Variants in ARHGAP42 observed in about 807,000 individuals in gnomAD.
ARHGAP42 encodes rho GTPase-activating protein 42.
A neutral mutation model predicts 125.0 loss-of-function variants in ARHGAP42; 63 were observed. The observed-to-expected ratio is 0.50, with a 90% CI of 0.41 to 0.62. The LOEUF (loss-of-function observed/expected upper bound fraction) is 0.62, where lower values mean the gene tolerates loss of function less well. Among genes scored for constraint, ARHGAP42 ranks in the 20% least tolerant of loss-of-function variants. The pLI, the probability that ARHGAP42 is intolerant of heterozygous loss-of-function variation, is 0.00. For synonymous variants in ARHGAP42, 339 were observed against 351.0 expected (o/e 0.97, Z 0.38); for missense variants, 766 against 1,024.2 (o/e 0.75, Z 3.44).
chr11:100,752,852 C>T lies in ARHGAP42; in HGVS notation c.155-17491C>T, dbSNP rs570554759. ...TGATAGCTCATGCACAAGTTTTCTC[C>T]TTCCTGGGTGCAGTGTTATTGTACC... On this transcript the variant is annotated intron_variant, in intron 1 of 23. Transcript: ENST00000298815. Among the ~76,000 whole-genome samples, 12 of 152,332 alleles carry T rather than the reference C, an allele frequency of 7.9e-5. 1 individual carries two copies. In the East Asian group the frequency reaches 2.3e-3, roughly 29 times the overall value.
chr11:100,728,678 AGT>A (rs1768970751), intron 1 of ARHGAP42, among the ~76,000 whole-genome samples: 1 of 141,620 alleles, frequency 7.1e-6, no homozygotes, highest in Admixed American at 7.1e-5. Flanking sequence ...GATCTAAATA[AGT>A]GTTGAGTAAG....
At chr11:100,911,065 C>A (rs1157254510) in intron 4 of ARHGAP42, among the ~76,000 whole-genome samples, 1 of 152,156 alleles carries the variant, frequency 6.6e-6, no homozygotes, top group African/African-American at 2.4e-5. Context: ...TCTTCCTCTT[C>A]TATGAAAAGT....
chr11:100,823,537 G>A (rs896680576), intron 3 of ARHGAP42, among the ~76,000 whole-genome samples: 2 of 152,132 alleles, frequency 1.3e-5, no homozygotes, highest in Admixed American at 1.3e-4. Flanking sequence ...ATATTACAGA[G>A]GCTGTGTCTG....
chr11:100,954,127 T>C (rs1857739033), intron 12 of ARHGAP42, among the ~76,000 whole-genome samples: 2 of 152,254 alleles, frequency 1.3e-5, no homozygotes, highest in East Asian at 1.9e-4. Flanking sequence ...ACATTCTCAA[T>C]TGGTGCCCTG....
At chr11:100,951,502 G>T (rs889224308) in intron 12 of ARHGAP42, among the ~76,000 whole-genome samples, 3 of 152,096 alleles carry the variant, frequency 2.0e-5, no homozygotes, top group African/African-American at 7.2e-5. Context: ...GCACTATAAG[G>T]TTAGTCCTTT....
intron 3 of ARHGAP42, among the ~76,000 whole-genome samples, chr11:100,826,279 C>T (rs140393156): frequency 3.7e-4 from 56 of 152,174 alleles, no homozygotes; most frequent in African/African-American, 1.2e-3. Flanking sequence ...GGCTATTGAA[C>T]GTATATGTTA....
At chr11:100,785,598 G>A (rs1440360317) in intron 2 of ARHGAP42, among the ~76,000 whole-genome samples, 1 of 152,160 alleles carries the variant, frequency 6.6e-6, no homozygotes, top group Non-Finnish European at 1.5e-5. Context: ...CAGGAGCTTG[G>A]GTGCAGAAGA....
At chr11:100,961,977 A>C (rs754369687) in intron 15 of ARHGAP42, among the ~76,000 whole-genome samples, 1 of 152,196 alleles carries the variant, frequency 6.6e-6, no homozygotes, top group Admixed American at 6.5e-5. Flanking sequence ...TTAAAAGGCT[A>C]TATAATATTT....
intron 17 of ARHGAP42, among the ~76,000 whole-genome samples, chr11:100,971,328 A>G (rs929616554): frequency 6.6e-6 from 1 of 152,086 alleles, no homozygotes; most frequent in Non-Finnish European, 1.5e-5. Context: ...TTAAGTATAT[A>G]ATGTTGGTTT....
At chr11:100,712,448 G>A (rs185866341) in intron 1 of ARHGAP42, among the ~76,000 whole-genome samples, 4 of 152,278 alleles carry the variant, frequency 2.6e-5, no homozygotes, top group Admixed American at 2.0e-4. Flanking sequence ...AAAAAAATTA[G>A]TAAAATATAG....
intron 8 of ARHGAP42, among the ~76,000 whole-genome samples, chr11:100,939,889 G>A (rs1184705425): frequency 4.6e-5 from 7 of 152,214 alleles, no homozygotes; most frequent in African/African-American, 1.4e-4. Context: ...AAATGTCAGA[G>A]CATTGCAGCA....
intron 4 of ARHGAP42, among the ~76,000 whole-genome samples, chr11:100,880,667 C>G (rs1028641603): frequency 1.3e-5 from 2 of 152,226 alleles, no homozygotes; most frequent in African/African-American, 4.8e-5. Flanking sequence ...TTTAAGGAAT[C>G]TCCATACTGT....
rs1363758267 is a variant in ARHGAP42, at chr11:100,976,274, T to C, written c.2073T>C (p.Asp691=). 3 of 1,551,724 alleles carry C rather than the reference T, an allele frequency of 1.9e-6. No homozygotes were observed. Among genetic ancestry groups the C allele is most frequent in the Admixed American group, 2.0e-5 (1 of 51,006 alleles). Residue 691 remains aspartate (D), a synonymous_variant, in exon 20 of 24, where the codon GAT becomes GAC. Transcript: ENST00000298815. ...TTSPESSSRE[D]ATKTDAESDC... ...GTCCTGAATCAAGTTCCAGAGAAGA[T>C]GCAACCAAGACAGATGCAGAATCAG...
At chr11:100,899,795 G>A (rs1182984159) in intron 4 of ARHGAP42, among the ~76,000 whole-genome samples, 1 of 146,014 alleles carries the variant, frequency 6.8e-6, no homozygotes. Flanking sequence ...TTGAGCCAGT[G>A]TATGTCTTTA....
At chr11:100,965,510 A>G (rs1022684395) in intron 16 of ARHGAP42, among the ~76,000 whole-genome samples, 161 bp from the exon 17 acceptor site, 9 of 152,274 alleles carry the variant, frequency 5.9e-5, no homozygotes, top group African/African-American at 2.2e-4. Context: ...AAGTTACTCA[A>G]CTTCTGCAAG....
At chr11:100,908,223 A>G (rs1866801414) in intron 4 of ARHGAP42, among the ~76,000 whole-genome samples, 2 of 152,164 alleles carry the variant, frequency 1.3e-5, no homozygotes, top group Admixed American at 6.5e-5. Flanking sequence ...ATTTATTTCT[A>G]TTTATGATTA....
At chr11:100,863,328 C>T (rs1266548160) in intron 4 of ARHGAP42, among the ~76,000 whole-genome samples, 1 of 152,140 alleles carries the variant, frequency 6.6e-6, no homozygotes, top group African/African-American at 2.4e-5. Flanking sequence ...AAGGGAGGGC[C>T]GTTGATTAAA....
chr11:100,691,659 G>A (rs1861193805), intron 1 of ARHGAP42, among the ~76,000 whole-genome samples: 2 of 152,116 alleles, frequency 1.3e-5, no homozygotes, highest in Admixed American at 1.3e-4. Context: ...GGGACCATAG[G>A]AATGCACCAC....
At chr11:100,947,393 GCTTT>G (rs1868055626) in intron 10 of ARHGAP42, among the ~76,000 whole-genome samples, 1 of 151,816 alleles carries the variant, frequency 6.6e-6, no homozygotes, top group South Asian at 2.1e-4. Flanking sequence ...ACATGTTAAT[GCTTT>G]GTCTTAACAC....
Sources: allele counts gnomAD v4.1 joint callset (sites outside exome capture counted in the v4.1 genomes callset), GRCh38; gene constraint gnomAD v4.1.1; transcripts MANE v1.5; gene names NCBI Gene and HGNC (gene_info 2026-07-23, HGNC 2026-07-21).